Variants in ZBTB20 observed in about 807,000 individuals in gnomAD.
ZBTB20 encodes the protein zinc finger and BTB domain containing 20.
ZBTB20 carries 9 observed loss-of-function variants against 56.9 expected under a neutral mutation model. The ratio of observed to expected loss-of-function variants is 0.16; its 90% CI spans 0.10 to 0.28. The LOEUF is 0.28. Ranked by LOEUF, ZBTB20 falls within the 10% of genes least tolerant of loss-of-function variation. The pLI is 1.00. For synonymous variants in ZBTB20, 417 were observed against 420.7 expected (o/e 0.99, Z 0.11); for missense variants, 655 against 1,003.0 (o/e 0.65, Z 4.69).
intron 4 of ZBTB20, among the ~76,000 whole-genome samples, chr3:114,813,999 T>G (rs920929723): frequency 1.6e-4 from 24 of 151,982 alleles, no homozygotes; most frequent in African/African-American, 5.6e-4. Flanking sequence ...CTAATGAAAG[T>G]TAATATTTAT....
chr3:114,492,421 T>C (rs1457620931), intron 7 of ZBTB20, among the ~76,000 whole-genome samples: 1 of 152,212 alleles, frequency 6.6e-6, no homozygotes, highest in Non-Finnish European at 1.5e-5. Flanking sequence ...CTGTGAATGG[T>C]ATTATCCTTC....
At chr3:114,772,887 G>C (rs1274768425) in intron 5 of ZBTB20, among the ~76,000 whole-genome samples, 1 of 152,204 alleles carries the variant, frequency 6.6e-6, no homozygotes, top group South Asian at 2.1e-4. Context: ...CTAAAACAGG[G>C]AGAGTATCCT....
At chr3:115,069,452 C>T (rs1202662108) in intron 2 of ZBTB20, among the ~76,000 whole-genome samples, 1 of 152,114 alleles carries the variant, frequency 6.6e-6, no homozygotes, top group Admixed American at 6.6e-5. Context: ...GCCACGAACT[C>T]TCCATATCCC....
intron 5 of ZBTB20, among the ~76,000 whole-genome samples, chr3:114,790,228 T>A (rs2070845353): frequency 6.6e-6 from 1 of 152,184 alleles, no homozygotes; most frequent in Admixed American, 6.6e-5. Context: ...TTTTATGTAT[T>A]AATTTGCAAA....
intron 2 of ZBTB20, among the ~76,000 whole-genome samples, chr3:114,991,104 C>T (rs1197679348): frequency 2.0e-5 from 3 of 152,130 alleles, no homozygotes; most frequent in African/African-American, 4.8e-5. Context: ...TCTCTATCTC[C>T]TTCAGTTCTG....
chr3:114,491,655 C>T (rs1187139372), intron 7 of ZBTB20, among the ~76,000 whole-genome samples: 4 of 152,164 alleles, frequency 2.6e-5, no homozygotes, highest in Non-Finnish European at 4.4e-5. Context: ...ATCCTATGCT[C>T]TTCTCTCTTC....
chr3:115,017,761 C>T (rs1287493774), intron 2 of ZBTB20, among the ~76,000 whole-genome samples: 4 of 151,486 alleles, frequency 2.6e-5, no homozygotes, highest in Non-Finnish European at 5.9e-5. Flanking sequence ...GTGTTTCAGA[C>T]ATTGTGCTGG....
intron 7 of ZBTB20, among the ~76,000 whole-genome samples, chr3:114,431,680 T>G (rs895486348): frequency 6.6e-6 from 1 of 152,148 alleles, no homozygotes; most frequent in Non-Finnish European, 1.5e-5. Flanking sequence ...AAAGGACACA[T>G]GACTCATACC....
intron 4 of ZBTB20, among the ~76,000 whole-genome samples, chr3:114,853,419 C>A (rs1477227399): frequency 6.6e-6 from 1 of 152,202 alleles, no homozygotes; most frequent in Non-Finnish European, 1.5e-5. Context: ...ATATGCATCT[C>A]ATTTTCTATT....
At chr3:115,063,058 T>C (rs72943876) in intron 2 of ZBTB20, among the ~76,000 whole-genome samples, 2,221 of 152,294 alleles carry the variant, frequency 0.015, 48 homozygotes, top group African/African-American at 0.049. Flanking sequence ...CTCAGAATTG[T>C]AGCAACAACT....
At position 114,510,411 on chromosome 3, in the gene ZBTB20, G is replaced by GCA. The variant is rs2045211319; in HGVS notation, c.-294-10022_-294-10021dup. Among the ~76,000 whole-genome samples the GCA allele has an allele frequency of 3.3e-5, 5 of 152,058 alleles. 1 individual carries two copies. The South Asian group carries it at 1.0e-3, about 32-fold the overall frequency. ...GGCTTTCTTTTAATTTTGTCAGTCT[G>GCA]CACATGCATGGTTCCTCCTGCATGA... is the stretch of plus-strand genomic sequence containing the variant. On this transcript the variant is annotated intron_variant, in intron 6 of 11. Transcript: ENST00000675478.
chr3:114,989,680 A>C (rs2078712684), intron 2 of ZBTB20, among the ~76,000 whole-genome samples: 1 of 152,128 alleles, frequency 6.6e-6, no homozygotes, highest in Non-Finnish European at 1.5e-5. Flanking sequence ...TGAATATATA[A>C]ATTACGCAGG....
intron 5 of ZBTB20, among the ~76,000 whole-genome samples, chr3:114,734,432 T>C (rs1394928885): frequency 6.6e-6 from 1 of 152,070 alleles, no homozygotes; most frequent in African/African-American, 2.4e-5. Flanking sequence ...GTCTCATGAT[T>C]TTTTTGATAC....
At chr3:114,775,887 T>C (rs1440113992) in intron 5 of ZBTB20, among the ~76,000 whole-genome samples, 4 of 152,120 alleles carry the variant, frequency 2.6e-5, no homozygotes, top group African/African-American at 7.2e-5. Context: ...TCTTTAGGAT[T>C]AGGATGGAAA....
intron 3 of ZBTB20, among the ~76,000 whole-genome samples, chr3:114,905,932 T>C (rs962516616): frequency 5.9e-5 from 9 of 151,862 alleles, no homozygotes; most frequent in African/African-American, 1.7e-4. Flanking sequence ...GTGGTTCTTA[T>C]ACTTTCTCTA....
chr3:114,435,778 T>C (rs745888811), intron 7 of ZBTB20, among the ~76,000 whole-genome samples: 8 of 152,130 alleles, frequency 5.3e-5, no homozygotes, highest in Non-Finnish European at 1.0e-4. Flanking sequence ...AATAAAAAAA[T>C]TCTTCATTTA....
intron 7 of ZBTB20, among the ~76,000 whole-genome samples, chr3:114,489,925 T>A (rs73857615): frequency 0.079 from 12,011 of 152,174 alleles, 1,130 homozygotes; most frequent in African/African-American, 0.22. Context: ...TTAAAATAAA[T>A]CTGAGTAAGG....
chr3:114,983,753 T>G (rs367880155), intron 2 of ZBTB20, among the ~76,000 whole-genome samples: 51 of 152,176 alleles, frequency 3.4e-4, no homozygotes, highest in African/African-American at 1.1e-3. Flanking sequence ...AGTTTAAATT[T>G]TAAGTAATTT....
chr3:114,522,132 G>T (rs2046710138), intron 6 of ZBTB20, among the ~76,000 whole-genome samples: 1 of 152,170 alleles, frequency 6.6e-6, no homozygotes, highest in East Asian at 1.9e-4. Context: ...TCTGAAGGCA[G>T]TAGGTGCTAT....
Sources: allele counts gnomAD v4.1 joint callset (sites outside exome capture counted in the v4.1 genomes callset), GRCh38; gene constraint gnomAD v4.1.1; transcripts MANE v1.5; gene names NCBI Gene and HGNC (gene_info 2026-07-23, HGNC 2026-07-21).